Variants in CEP83 observed in about 807,000 individuals in gnomAD.
CEP83 encodes the protein centrosomal protein 83.
A neutral mutation model predicts 101.9 loss-of-function variants in CEP83; 70 were observed. That is an observed-to-expected ratio of 0.69 (90% confidence interval 0.57 to 0.84). The LOEUF is 0.84. CEP83 is among the 40% of genes least tolerant of loss of function. CEP83 has a pLI of 0.00. For synonymous variants in CEP83, 264 were observed against 267.9 expected, an observed-to-expected ratio of 0.99 and a Z score of 0.14; for missense variants, 715 against 787.2, an observed-to-expected ratio of 0.91 and a Z score of 1.10.
At position 94,459,630 on chromosome 12, in the gene CEP83, CG is replaced by C; in HGVS notation, c.-229del. 6.5e-6 allele frequency: 1 copy of C among 153,366 alleles called. No homozygotes were observed. The highest frequency in any genetic ancestry group is 1.9e-4 in the East Asian group (1 of 5,202). The allele number at this position is 153,366 out of a possible 1,614,324, so 9.5% of individuals were successfully genotyped here. On this transcript the variant is annotated 5_prime_UTR_variant, in exon 1 of 17. Transcript: ENST00000397809. ...CCGCAGTTCTGGCCGCGCTCGCCAC[CG>C]GGGACACCTCCACAGCTCCAACCAC...
intron 15 of CEP83, 33 bp downstream of exon 15, chr12:94,312,881 C>A: frequency 1.6e-6 from 2 of 1,285,698 alleles, no homozygotes; most frequent in Non-Finnish European, 2.2e-6. Context: ...TCAAAATAAC[C>A]ACATGGGGAA....
chr12:94,424,596 G>T lies in CEP83; in HGVS notation c.-102+10679C>A, dbSNP rs2065037029. ...TCCTGTTCCTGTTGCTTTACCATCT[G>T]TGCCTGTACACCACTGGCCTTCAGT... is the stretch of plus-strand genomic sequence containing the variant. On this transcript the variant is annotated intron_variant, in intron 2 of 16. Coordinates refer to ENST00000397809, the MANE Select transcript of CEP83 (RefSeq NM_016122.3). 25 of 1,613,306 alleles carry T rather than the reference G, an allele frequency of 1.5e-5. No homozygotes were observed. In the South Asian group the frequency reaches 2.3e-4, roughly 15 times the overall value.
intron 11 of CEP83, among the ~76,000 whole-genome samples, chr12:94,356,316 G>T (rs903337114): frequency 8.5e-5 from 13 of 152,152 alleles, no homozygotes; most frequent in Non-Finnish European, 1.6e-4. Flanking sequence ...TAACAGAAGA[G>T]GTTACAGAGC....
chr12:94,288,922 T>A, the CEP83 span, among the ~76,000 whole-genome samples: 74 of 152,370 alleles, frequency 4.9e-4, no homozygotes, highest in African/African-American at 1.7e-3. Flanking sequence ...GTTTTCAGAT[T>A]TTTTTCTTTA....
intron 1 of CEP83, among the ~76,000 whole-genome samples, chr12:94,454,235 G>A (rs2067471504): frequency 6.6e-6 from 1 of 152,188 alleles, no homozygotes; most frequent in African/African-American, 2.4e-5. Flanking sequence ...GGCTATATCA[G>A]TTGTAGAGAA....
chr12:94,412,077 A>G (rs1463340627), intron 3 of CEP83, among the ~76,000 whole-genome samples: 5 of 152,196 alleles, frequency 3.3e-5, no homozygotes, highest in Admixed American at 6.5e-5. Flanking sequence ...ATCTGGATAC[A>G]TTTAATCTTA....
chr12:94,348,237 G>T (rs151063100), intron 11 of CEP83, among the ~76,000 whole-genome samples: 97 of 152,026 alleles, frequency 6.4e-4, no homozygotes, highest in African/African-American at 2.2e-3. Flanking sequence ...AAAAAAAAGA[G>T]GTCTACTTTT....
rs1969351710 is a variant in CEP83 at position 94,308,707 on chromosome 12, G to C, written c.*106C>G. 2 of 713,908 alleles carry C rather than the reference G, an allele frequency of 2.8e-6. No individual in the cohort carries two copies. The highest frequency in any genetic ancestry group is 5.2e-5 in the East Asian group (2 of 38,646). 44.2% of individuals were successfully genotyped at this position (713,908 alleles called of 1,614,324 possible). On this transcript the variant is annotated 3_prime_UTR_variant, in exon 17 of 17. Coordinates refer to ENST00000397809, the MANE Select transcript of CEP83 (RefSeq NM_016122.3). ...GTACCTTTTCTTGAGGCACATTCAA[G>C]TGTTTTGGCAAACAGTAAAAAGTAT... is the stretch of plus-strand genomic sequence containing the variant.
intron 1 of CEP83, among the ~76,000 whole-genome samples, chr12:94,449,295 C>G (rs947923144): frequency 2.0e-5 from 3 of 152,096 alleles, no homozygotes; most frequent in Non-Finnish European, 2.9e-5. Flanking sequence ...AATATTCCCA[C>G]AAAGAAATGG....
the CEP83 span, among the ~76,000 whole-genome samples, chr12:94,285,678 C>T: frequency 2.6e-5 from 4 of 152,098 alleles, no homozygotes; most frequent in African/African-American, 9.7e-5. Flanking sequence ...AAGGTAATGG[C>T]CAGGAGGAGA....
At chr12:94,442,976 G>A (rs1215985463) in intron 1 of CEP83, among the ~76,000 whole-genome samples, 1 of 152,124 alleles carries the variant, frequency 6.6e-6, no homozygotes, top group Non-Finnish European at 1.5e-5. Flanking sequence ...CAGTGTCCCA[G>A]ACTTTAGTAT....
chr12:94,335,872 A>AG (rs1375842216), intron 11 of CEP83: 1 of 502,500 alleles, frequency 2.0e-6, no homozygotes, highest in African/African-American at 2.1e-5. Flanking sequence ...TCTACAAACT[A>AG]GGGGCATAGA....
At chr12:94,298,578 A>G in the CEP83 span, 55 of 1,431,564 alleles carry the variant, frequency 3.8e-5, 3 homozygotes, top group South Asian at 6.3e-4. Context: ...TTATGTTTTC[A>G]AAACCACTAC....
intron 15 of CEP83, 157 bp downstream of exon 15, chr12:94,312,757 G>A (rs1236317997): frequency 3.1e-6 from 3 of 982,426 alleles, no homozygotes; most frequent in East Asian, 1.1e-4. Context: ...ATTCAGTTAG[G>A]GGGTAAAAAA....
chr12:94,396,994 A>G (rs2062940796), intron 6 of CEP83, among the ~76,000 whole-genome samples: 1 of 152,198 alleles, frequency 6.6e-6, no homozygotes, highest in Admixed American at 6.5e-5. Flanking sequence ...ACCAGGTTTT[A>G]CTGTTTTTGT....
intron 6 of CEP83, among the ~76,000 whole-genome samples, chr12:94,400,288 C>CCTTT (rs1337601376): frequency 1.3e-5 from 2 of 151,950 alleles, no homozygotes; most frequent in Non-Finnish European, 2.9e-5. Context: ...AACCACAAAA[C>CCTTT]GAGTAGAAAG....
the CEP83 span, among the ~76,000 whole-genome samples, chr12:94,275,780 G>A: frequency 8.8e-5 from 8 of 91,074 alleles, no homozygotes; most frequent in East Asian, 1.2e-3. Context: ...GCGTGAACCC[G>A]GGAGGCGGAG....
At chr12:94,313,278 A>C (rs1036285453) in intron 14 of CEP83, 1 of 240,648 alleles carries the variant, frequency 4.2e-6, no homozygotes. Flanking sequence ...GCAAAAAAAA[A>C]ATCTACAAAG....
At chr12:94,448,822 G>C (rs2066998293) in intron 1 of CEP83, among the ~76,000 whole-genome samples, 1 of 151,580 alleles carries the variant, frequency 6.6e-6, no homozygotes, top group Non-Finnish European at 1.5e-5. Flanking sequence ...ATTTATATGA[G>C]AAAAGAAAAA....
Sources: gnomAD v4.1 joint callset for allele counts (sites outside exome capture counted in the v4.1 genomes callset) on GRCh38, gnomAD v4.1.1 for gene constraint, MANE v1.5 for transcripts, NCBI Gene and HGNC (gene_info 2026-07-23, HGNC 2026-07-21) for gene names.